The following TENM2 variants were observed in gnomAD, a reference collection of about 807,000 sequenced individuals.
TENM2 encodes the protein teneurin transmembrane protein 2.
TENM2 carries 52 observed loss-of-function variants against 245.2 expected under a neutral mutation model. The ratio of observed to expected loss-of-function variants is 0.21; its 90% CI spans 0.17 to 0.27. The LOEUF is 0.27. Ranked by LOEUF, TENM2 falls within the 10% of genes least tolerant of loss-of-function variation. TENM2 has a pLI of 1.00. For synonymous variants in TENM2, 1,363 were observed against 1,438.9 expected (o/e 0.95, Z 1.19); for missense variants, 3,046 against 3,666.8 (o/e 0.83, Z 4.37).
the TENM2 span, among the ~76,000 whole-genome samples, chr5:167,172,873 C>A: frequency 6.6e-6 from 1 of 152,154 alleles, no homozygotes; most frequent in South Asian, 2.1e-4. Context: ...CAATAGAAAT[C>A]CCTGGGAAAG....
chr5:167,242,275 C>T, the TENM2 span, among the ~76,000 whole-genome samples: 2 of 151,674 alleles, frequency 1.3e-5, no homozygotes, highest in African/African-American at 4.8e-5. Context: ...GTCTCAAACT[C>T]CTGACCTCAG....
chr5:167,167,771 C>T, the TENM2 span, among the ~76,000 whole-genome samples: 1 of 152,016 alleles, frequency 6.6e-6, no homozygotes, highest in African/African-American at 2.4e-5. Flanking sequence ...TTTTTGCATC[C>T]CCAAAGCCTA....
At chr5:168,024,632 A>G (rs76971884) in intron 5 of TENM2, among the ~76,000 whole-genome samples, 9,366 of 152,236 alleles carry the variant, frequency 0.062, 641 homozygotes, top group African/African-American at 0.17. Flanking sequence ...GTCAGCACAG[A>G]CGCTTGTTTC....
chr5:167,021,010 G>T, the TENM2 span, among the ~76,000 whole-genome samples: 3 of 152,130 alleles, frequency 2.0e-5, no homozygotes, highest in East Asian at 5.8e-4. Flanking sequence ...TGGGCATGGT[G>T]GCAGGTGCCT....
At chr5:167,958,015 G>A (rs1180443936) in intron 4 of TENM2, among the ~76,000 whole-genome samples, 1 of 152,130 alleles carries the variant, frequency 6.6e-6, no homozygotes, top group Non-Finnish European at 1.5e-5. Context: ...CTGAGTTCAA[G>A]TCCTGAATAT....
At chr5:168,245,271 C>T (rs574158393) in intron 26 of TENM2, among the ~76,000 whole-genome samples, 2 of 151,782 alleles carry the variant, frequency 1.3e-5, no homozygotes, top group South Asian at 2.1e-4. Flanking sequence ...GCAAAAAGGA[C>T]GAATTGTCTG....
chr5:167,966,442 A>G (rs1390364710), intron 4 of TENM2, among the ~76,000 whole-genome samples: 1 of 152,150 alleles, frequency 6.6e-6, no homozygotes, highest in Non-Finnish European at 1.5e-5. Flanking sequence ...AAAAGAATTG[A>G]GCATGTTGGG....
chr5:168,018,152 C>T (rs1383345940), intron 5 of TENM2, among the ~76,000 whole-genome samples: 4 of 152,278 alleles, frequency 2.6e-5, no homozygotes, highest in South Asian at 2.1e-4. Context: ...TAAAAATTCT[C>T]CTTACTATAG....
chr5:167,936,959 G>A (rs1365342451), intron 3 of TENM2, among the ~76,000 whole-genome samples: 1 of 152,146 alleles, frequency 6.6e-6, no homozygotes, highest in Non-Finnish European at 1.5e-5. Context: ...AAGTGGTTGT[G>A]TGTATCAATA....
chr5:168,115,401 G>GA (rs372778899), intron 9 of TENM2, among the ~76,000 whole-genome samples: 13,616 of 102,164 alleles, frequency 0.13, 1,354 homozygotes, highest in Middle Eastern at 0.18. Flanking sequence ...AGGAAGGAAG[G>GA]AAGGAAGGGA....
chr5:167,179,929 C>A, the TENM2 span, among the ~76,000 whole-genome samples: 1 of 151,990 alleles, frequency 6.6e-6, no homozygotes. Flanking sequence ...GGAGAGAAGG[C>A]TGAGACAACA....
the TENM2 span, among the ~76,000 whole-genome samples, chr5:167,200,951 G>A: frequency 3.0e-4 from 46 of 152,204 alleles, no homozygotes; most frequent in African/African-American, 1.1e-3. Context: ...TATCCCAAAG[G>A]AATCATGAAT....
In TENM2 at chr5:167,708,150, G is replaced by A. The variant is rs147444977; in HGVS notation, c.503-167836G>A. Among the ~76,000 whole-genome samples the A allele has an allele frequency of 2.7e-3, 417 of 152,152 alleles. 2 individuals carry two copies. The highest frequency in any genetic ancestry group is 9.3e-3 in the African/African-American group (388 of 41,498). ...GCTGCCTAAGATGTTGAGTTAAGAA[G>A]ATTATAATGTCATGACATCTGGACT... On this transcript the variant is annotated intron_variant, in intron 2 of 28. Coordinates refer to ENST00000518659, the Ensembl canonical transcript of TENM2.
At position 167,727,100 on chromosome 5, in the gene TENM2, A is replaced by ATTTC. The variant is rs1489159429; in HGVS notation, c.503-148882_503-148879dup. Among the ~76,000 whole-genome samples the ATTTC allele has an allele frequency of 5.5e-3, 695 of 125,368 alleles. 15 individuals carry two copies. The highest frequency in any genetic ancestry group is 0.021 in the African/African-American group (664 of 31,342). The allele number at this position is 125,368 out of a possible 152,430, so 82.2% of individuals were successfully genotyped here. A position where few individuals can be genotyped will look rare whatever the true frequency, so the allele number is the denominator to read the frequency against. On this transcript the variant is annotated intron_variant, in intron 2 of 28. Transcript: ENST00000518659. ...TGCAAAATCAGTAATGAATCCATTA[A>ATTTC]TTTCTTTTTTTTTTTTTTTTTTTTT... is the stretch of plus-strand genomic sequence containing the variant.
In TENM2 at chr5:168,097,361, C is replaced by T. The variant is rs572841089; in HGVS notation, c.1712-665C>T. On this transcript the variant is annotated intron_variant, in intron 8 of 28. Transcript: ENST00000518659. ...GTTTAAAAACTTGTCAACATTTAAA[C>T]GTGGGAGCTTTCATAGTTTTTAAAT... Among the ~76,000 whole-genome samples, 23 of 152,188 alleles carry T rather than the reference C, an allele frequency of 1.5e-4. 1 individual carries two copies. Among genetic ancestry groups the T allele is most frequent in the Admixed American group, 2.6e-4 (4 of 15,284 alleles).
In TENM2 at chr5:168,247,566, G is replaced by A; in HGVS notation, c.6627G>A (p.Gly2209=). ...ACACCTATGACTACGATGGGGACGGGCAGCTCCAGAGCGTGGCCGTCAATG... is the reference window on the plus strand; with the variant it reads ...ACACCTATGACTACGATGGGGACGGACAGCTCCAGAGCGTGGCCGTCAATG... Residue 2209 remains glycine, a synonymous_variant, in exon 27 of 29, where the codon GGG becomes GGA. Transcript: ENST00000518659. The surrounding 1 kb of genome is among the most constrained non-coding windows in gnomAD (Gnocchi z 7.8). 6.2e-7 allele frequency: 1 copy of A among 1,612,888 alleles called. No homozygotes were observed. Among genetic ancestry groups the A allele is most frequent in the Non-Finnish European group, 8.5e-7 (1 of 1,178,966 alleles).
At position 168,221,884 on chromosome 5, in the gene TENM2, G is replaced by A. The variant is rs116252969; in HGVS notation, c.5108+2885G>A. Among the ~76,000 whole-genome samples, 778 of 152,290 alleles carry A rather than the reference G, an allele frequency of 5.1e-3. 8 individuals carry two copies. The highest frequency in any genetic ancestry group is 0.018 in the African/African-American group (743 of 41,548). ...CTCTGCCACATGCTTACTGATTGAC[G>A]TTGGACACGTTATTTAACCTCTCTG... On this transcript the variant is annotated intron_variant, in intron 23 of 28. Transcript: ENST00000518659.
At chr5:167,318,329 A>G (rs1756496035) in intron 1 of TENM2, among the ~76,000 whole-genome samples, 2 of 152,144 alleles carry the variant, frequency 1.3e-5, no homozygotes, top group South Asian at 2.1e-4. Context: ...TTCATGTTAG[A>G]AAAATGAGGA....
intron 11 of TENM2, among the ~76,000 whole-genome samples, 199 bp downstream of exon 13, chr5:168,125,249 G>T (rs985132074): frequency 1.3e-5 from 2 of 152,270 alleles, no homozygotes; most frequent in Middle Eastern, 3.4e-3. Flanking sequence ...AAAGCACTGG[G>T]TTGGTACCAT....
Sources: gnomAD v4.1 joint callset for allele counts (sites outside exome capture counted in the v4.1 genomes callset) on GRCh38, gnomAD v4.1.1 for gene constraint, Gnocchi (gnomAD v3.1) non-coding constraint, MANE v1.5 for transcripts, NCBI Gene and HGNC (gene_info 2026-07-23, HGNC 2026-07-21) for gene names.